GTF2F2: variants seen among roughly 807,000 people sequenced by gnomAD.
GTF2F2 encodes the protein ATP-dependent helicase GTF2F2.
GTF2F2 carries 23 observed loss-of-function variants against 42.2 expected under a neutral mutation model. That is an observed-to-expected ratio of 0.55 (90% confidence interval 0.39 to 0.77). GTF2F2 has a LOEUF of 0.77. Among genes scored for constraint, GTF2F2 ranks in the 30% least tolerant of loss-of-function variants. The pLI is 0.00. For synonymous variants in GTF2F2, 105 were observed against 100.8 expected, an observed-to-expected ratio of 1.04 and a Z score of -0.25; for missense variants, 261 against 287.2, an observed-to-expected ratio of 0.91 and a Z score of 0.66.
At chr13:45,139,719 CTAAAGTA>C (rs1330683485) in intron 2 of GTF2F2, among the ~76,000 whole-genome samples, 1 of 152,162 alleles carries the variant, frequency 6.6e-6, no homozygotes, top group African/African-American at 2.4e-5. Context: ...ATATCGCCTA[CTAAAGTA>C]TAAACTCTAC....
At chr13:45,126,001 T>C (rs1868975239) in intron 1 of GTF2F2, among the ~76,000 whole-genome samples, 1 of 152,100 alleles carries the variant, frequency 6.6e-6, no homozygotes, top group Non-Finnish European at 1.5e-5. Flanking sequence ...GGGGTCTTTC[T>C]TTAGTGGAGG....
chr13:45,187,644 A>G (rs187549650), intron 4 of GTF2F2, among the ~76,000 whole-genome samples: 1 of 152,260 alleles, frequency 6.6e-6, no homozygotes, highest in Non-Finnish European at 1.5e-5. Context: ...TTGTAATATT[A>G]TCTTAAGCAA....
intron 5 of GTF2F2, among the ~76,000 whole-genome samples, chr13:45,216,908 T>G (rs995795511): frequency 2.6e-5 from 4 of 152,084 alleles, no homozygotes; most frequent in African/African-American, 9.7e-5. Flanking sequence ...TTAACTCAGG[T>G]GTGCACCATA....
At chr13:45,173,226 G>A (rs1261786432) in intron 4 of GTF2F2, among the ~76,000 whole-genome samples, 1 of 151,926 alleles carries the variant, frequency 6.6e-6, no homozygotes, top group Non-Finnish European at 1.5e-5. Flanking sequence ...AAATAATACC[G>A]AGAGATTGGA....
At chr13:45,166,564 TG>T (rs1043553688) in intron 4 of GTF2F2, among the ~76,000 whole-genome samples, 10 of 152,208 alleles carry the variant, frequency 6.6e-5, no homozygotes, top group African/African-American at 2.4e-4. Context: ...TCATATGGAT[TG>T]TTTTCAGATT....
At chr13:45,201,678 A>G (rs1873192575) in intron 4 of GTF2F2, among the ~76,000 whole-genome samples, 1 of 152,184 alleles carries the variant, frequency 6.6e-6, no homozygotes, top group South Asian at 2.1e-4. Flanking sequence ...TACCATCATC[A>G]AAGATGTGTG....
intron 5 of GTF2F2, among the ~76,000 whole-genome samples, chr13:45,246,157 C>T (rs1162410400): frequency 6.6e-6 from 1 of 151,140 alleles, no homozygotes; most frequent in Non-Finnish European, 1.5e-5. Flanking sequence ...TGCAGGCGCC[C>T]GCCACCATGC....
chr13:45,234,621 G>T (rs941196402), intron 5 of GTF2F2, among the ~76,000 whole-genome samples: 7 of 152,018 alleles, frequency 4.6e-5, no homozygotes, highest in Non-Finnish European at 7.4e-5. Flanking sequence ...TCTATCCATG[G>T]GTTCAATATA....
chr13:45,237,304 G>A (rs2138227768), intron 5 of GTF2F2, among the ~76,000 whole-genome samples: 1 of 152,270 alleles, frequency 6.6e-6, no homozygotes, highest in South Asian at 2.1e-4. Context: ...AGAAGAGATA[G>A]TGCTTTCTGA....
Position 45,131,002 on chromosome 13 carries a change from C to T in GTF2F2, c.67-5731C>T, listed in dbSNP as rs141649069. 6.1e-3 allele frequency among the ~76,000 whole-genome samples: 928 copies of T among 152,236 alleles called. 3 individuals are homozygous for T. The highest frequency in any genetic ancestry group is 0.021 in the African/African-American group (872 of 41,532). On this transcript the variant is annotated intron_variant, in intron 1 of 7. Transcript: ENST00000340473. ...GCACGGTGGCCTATGCCTGTAATCCCAGCACTTTGGGAGGCTGAGGTGGGC... is the reference window on the plus strand; with the variant it reads ...GCACGGTGGCCTATGCCTGTAATCCTAGCACTTTGGGAGGCTGAGGTGGGC...
chr13:45,214,946 T>A (rs1873827746), intron 5 of GTF2F2, among the ~76,000 whole-genome samples: 1 of 150,314 alleles, frequency 6.7e-6, no homozygotes, highest in African/African-American at 2.5e-5. Context: ...GTCTTAAAAG[T>A]TTTTATTTTT....
chr13:45,147,798 ATACT>A (rs1870273920), intron 2 of GTF2F2, among the ~76,000 whole-genome samples: 1 of 152,146 alleles, frequency 6.6e-6, no homozygotes, highest in South Asian at 2.1e-4. Context: ...AATGTGCTAG[ATACT>A]TTCTTTTTTC....
intron 4 of GTF2F2, among the ~76,000 whole-genome samples, chr13:45,190,263 A>G (rs1397600402): frequency 3.3e-5 from 5 of 152,236 alleles, no homozygotes; most frequent in South Asian, 4.1e-4. Context: ...TTTTTAAATG[A>G]CATGACATTA....
chr13:45,186,291 T>TA (rs1209438355), intron 4 of GTF2F2, among the ~76,000 whole-genome samples: 5 of 149,940 alleles, frequency 3.3e-5, no homozygotes, highest in African/African-American at 4.9e-5. Flanking sequence ...TTTTTTTTTT[T>TA]AATTTTAATT....
intron 5 of GTF2F2, among the ~76,000 whole-genome samples, chr13:45,208,704 C>G (rs1873517127): frequency 6.6e-6 from 1 of 152,154 alleles, no homozygotes; most frequent in South Asian, 2.1e-4. Flanking sequence ...TTAAAAGTTT[C>G]CTTCTTTTGT....
At chr13:45,195,403 A>G (rs1872840927) in intron 4 of GTF2F2, among the ~76,000 whole-genome samples, 1 of 152,220 alleles carries the variant, frequency 6.6e-6, no homozygotes, top group Admixed American at 6.5e-5. Flanking sequence ...CTGAACAAAG[A>G]CTTGGACAAT....
intron 7 of GTF2F2, among the ~76,000 whole-genome samples, chr13:45,270,918 A>G (rs1318020045): frequency 1.3e-5 from 2 of 152,214 alleles, no homozygotes; most frequent in Non-Finnish European, 2.9e-5. Context: ...CTGAACTTCA[A>G]CACTCTGTTT....
chr13:45,274,578 C>G (rs758907006), intron 7 of GTF2F2, among the ~76,000 whole-genome samples: 7 of 152,092 alleles, frequency 4.6e-5, no homozygotes, highest in Non-Finnish European at 7.4e-5. Flanking sequence ...ATCCGCCCAC[C>G]TTGACCACCT....
intron 1 of GTF2F2, among the ~76,000 whole-genome samples, chr13:45,134,629 T>G (rs1869523253): frequency 6.6e-6 from 1 of 152,126 alleles, no homozygotes; most frequent in South Asian, 2.1e-4. Flanking sequence ...CTAAGCTTGT[T>G]TGGATGAATG....
Sources: allele counts gnomAD v4.1 joint callset (sites outside exome capture counted in the v4.1 genomes callset), GRCh38; gene constraint gnomAD v4.1.1; transcripts MANE v1.5; gene names NCBI Gene and HGNC (gene_info 2026-07-23, HGNC 2026-07-21).